PRKG1: variants seen among roughly 807,000 people sequenced by gnomAD.
PRKG1 encodes the protein cGMP-dependent protein kinase 1.
A neutral mutation model predicts 88.1 loss-of-function variants in PRKG1; 35 were observed. The observed-to-expected ratio is 0.40, with a 90% CI of 0.30 to 0.53. The LOEUF is 0.53. PRKG1 is among the 20% of genes least tolerant of loss of function. The pLI is 0.59. For synonymous variants in PRKG1, 303 were observed against 292.5 expected, an observed-to-expected ratio of 1.04 and a Z score of -0.37; for missense variants, 540 against 839.8, an observed-to-expected ratio of 0.64 and a Z score of 4.41.
intron 2 of PRKG1, among the ~76,000 whole-genome samples, chr10:51,380,301 G>A (rs1266076391): frequency 6.6e-6 from 1 of 152,150 alleles, no homozygotes; most frequent in Non-Finnish European, 1.5e-5. Flanking sequence ...TATCCATAGT[G>A]GGAGTATTTA....
intron 2 of PRKG1, among the ~76,000 whole-genome samples, chr10:51,273,188 A>G (rs182266145): frequency 9.2e-5 from 14 of 152,282 alleles, no homozygotes; most frequent in Non-Finnish European, 7.4e-5. Flanking sequence ...TTCTTCCTGC[A>G]GAACAGCCAA....
At chr10:51,762,939 A>G (rs1838058675) in intron 3 of PRKG1, among the ~76,000 whole-genome samples, 1 of 152,186 alleles carries the variant, frequency 6.6e-6, no homozygotes, top group Non-Finnish European at 1.5e-5. Flanking sequence ...AAAGAATGGG[A>G]GGATTCAAGT....
chr10:51,217,143 G>GT (rs1052226620), intron 2 of PRKG1, among the ~76,000 whole-genome samples: 3 of 152,116 alleles, frequency 2.0e-5, no homozygotes, highest in African/African-American at 7.2e-5. Flanking sequence ...GTGTGTTTAT[G>GT]TATGTGTACC....
At chr10:51,353,704 T>A (rs1224946052) in intron 2 of PRKG1, among the ~76,000 whole-genome samples, 1 of 152,206 alleles carries the variant, frequency 6.6e-6, no homozygotes, top group Non-Finnish European at 1.5e-5. Context: ...GGTGGGAATG[T>A]AAATTAATGC....
At chr10:51,545,875 C>T (rs12263906) in intron 3 of PRKG1, among the ~76,000 whole-genome samples, 72,398 of 151,682 alleles carry the variant, frequency 0.48, 17,956 homozygotes, top group African/African-American at 0.55. Context: ...ATATGAGAGT[C>T]CCTTCCCCCT....
At chr10:51,776,984 G>A (rs1215122899) in intron 3 of PRKG1, among the ~76,000 whole-genome samples, 1 of 152,100 alleles carries the variant, frequency 6.6e-6, no homozygotes, top group East Asian at 1.9e-4. Context: ...CAGAAAGATT[G>A]TAATCGTTTT....
At chr10:51,569,825 G>A (rs1837699919) in intron 3 of PRKG1, among the ~76,000 whole-genome samples, 2 of 151,888 alleles carry the variant, frequency 1.3e-5, no homozygotes, top group African/African-American at 2.4e-5. Flanking sequence ...GTTGTATTAA[G>A]TGAAATAATG....
At chr10:51,462,941 A>G (rs929652419) in intron 2 of PRKG1, among the ~76,000 whole-genome samples, 6 of 152,142 alleles carry the variant, frequency 3.9e-5, no homozygotes, top group Non-Finnish European at 5.9e-5. Context: ...TAAATAGTAA[A>G]ATGCACAGAA....
At chr10:51,394,009 C>T (rs1355487155) in intron 2 of PRKG1, among the ~76,000 whole-genome samples, 4 of 152,166 alleles carry the variant, frequency 2.6e-5, no homozygotes, top group Admixed American at 2.6e-4. Context: ...TTCCACTTCT[C>T]TTGACCTCTG....
intron 3 of PRKG1, among the ~76,000 whole-genome samples, chr10:51,570,067 A>ATATATATATATATATATATGTGTGTG (rs1491310201): frequency 2.9e-4 from 33 of 113,106 alleles, no homozygotes; most frequent in African/African-American, 1.1e-3. Context: ...ATATATATAT[A>ATATATATATATATATATATGTGTGTG]TGTGTGTGTG....
intron 1 of PRKG1, among the ~76,000 whole-genome samples, chr10:50,994,759 A>G (rs1842818879): frequency 6.6e-6 from 1 of 151,000 alleles, no homozygotes; most frequent in African/African-American, 2.4e-5. Flanking sequence ...GGCCCCTTCT[A>G]TCCATGGGTT....
At chr10:51,927,752 C>A (rs1842610366) in intron 5 of PRKG1, among the ~76,000 whole-genome samples, 1 of 152,158 alleles carries the variant, frequency 6.6e-6, no homozygotes, top group Admixed American at 6.6e-5. Flanking sequence ...CAAAAGTTGA[C>A]ACTTCCCTCT....
intron 3 of PRKG1, among the ~76,000 whole-genome samples, chr10:51,632,731 T>C (rs1839557686): frequency 6.6e-6 from 1 of 152,198 alleles, no homozygotes; most frequent in Non-Finnish European, 1.5e-5. Context: ...AATGGTTCAG[T>C]TGGGGCCAGT....
chr10:51,959,235 C>T (rs1843387123), intron 5 of PRKG1, among the ~76,000 whole-genome samples: 1 of 152,140 alleles, frequency 6.6e-6, no homozygotes, highest in Admixed American at 6.6e-5. Flanking sequence ...GAAATGTGTA[C>T]AAATATGCAA....
chr10:52,289,076 G>A, intron 16 of PRKG1, 83 bp downstream of exon 16: 1 of 1,324,478 alleles, frequency 7.6e-7, no homozygotes, highest in Non-Finnish European at 1.1e-6. Context: ...TGTAAAACTA[G>A]TATAATTAGC....
At chr10:51,729,006 A>C (rs1362948039) in intron 3 of PRKG1, among the ~76,000 whole-genome samples, 1 of 152,242 alleles carries the variant, frequency 6.6e-6, no homozygotes, top group Non-Finnish European at 1.5e-5. Context: ...TTTAGCACAG[A>C]AATAAAAGGG....
chr10:51,632,093 A>ATTT (rs66828963), intron 3 of PRKG1, among the ~76,000 whole-genome samples: 4 of 149,590 alleles, frequency 2.7e-5, no homozygotes, highest in South Asian at 4.2e-4. Flanking sequence ...ACATTATGAG[A>ATTT]TTTTTTTTTT....
chr10:50,993,346 A>G (rs1186694233), intron 1 of PRKG1, among the ~76,000 whole-genome samples: 1 of 152,222 alleles, frequency 6.6e-6, no homozygotes, highest in African/African-American at 2.4e-5. Context: ...AACACTGTGT[A>G]CATGGCACCT....
intron 2 of PRKG1, among the ~76,000 whole-genome samples, chr10:51,431,888 A>G (rs527953042): frequency 2.3e-4 from 35 of 152,282 alleles, no homozygotes; most frequent in East Asian, 9.7e-4. Flanking sequence ...AAAACAAAGC[A>G]AAAAAGCCTG....
Sources: allele counts gnomAD v4.1 joint callset (sites outside exome capture counted in the v4.1 genomes callset), GRCh38; gene constraint gnomAD v4.1.1; transcripts MANE v1.5; gene names NCBI Gene and HGNC (gene_info 2026-07-23, HGNC 2026-07-21).